Variants in TMEM272 observed in about 807,000 individuals in gnomAD.
TMEM272 encodes transmembrane protein 272.
A neutral mutation model predicts 3.7 loss-of-function variants in TMEM272; 8 were observed. That is an observed-to-expected ratio of 2.17 (90% CI 1.27 to 3.91). The LOEUF (loss-of-function observed/expected upper bound fraction) is 3.91. Among genes scored for constraint, TMEM272 ranks in the 30% most tolerant of loss-of-function variants. The pLI, the probability that TMEM272 is intolerant of heterozygous loss-of-function variation, is 0.00. For synonymous variants in TMEM272, 63 were observed against 39.8 expected, an observed-to-expected ratio of 1.58 and a Z score of -2.20; for missense variants, 166 against 91.5, an observed-to-expected ratio of 1.81 and a Z score of -3.32.
chr13:51,918,800 A>ATT, the TMEM272 span, among the ~76,000 whole-genome samples: 1 of 137,128 alleles, frequency 7.3e-6, no homozygotes, highest in Non-Finnish European at 1.6e-5. Context: ...AATTTTTGAA[A>ATT]TTCTTTTTTT....
the TMEM272 span, among the ~76,000 whole-genome samples, chr13:51,896,479 G>A: frequency 7.2e-5 from 11 of 152,308 alleles, no homozygotes; most frequent in East Asian, 2.1e-3. Flanking sequence ...CCCTCTCACA[G>A]CCTGGCTAAA....
chr13:51,928,170 G>T, the TMEM272 span, among the ~76,000 whole-genome samples: 1 of 152,004 alleles, frequency 6.6e-6, no homozygotes, highest in South Asian at 2.1e-4. Context: ...TTTGTCATCA[G>T]TCCACTAAGT....
the TMEM272 span, chr13:51,865,203 G>C: frequency 2.6e-5 from 14 of 540,570 alleles, no homozygotes; most frequent in Admixed American, 6.7e-5. Context: ...ACCAAAGCTT[G>C]TCCCTCACAA....
chr13:51,853,096 G>A, the TMEM272 span, among the ~76,000 whole-genome samples: 1 of 151,862 alleles, frequency 6.6e-6, no homozygotes, highest in Non-Finnish European at 1.5e-5. Flanking sequence ...AAAGTAAGCT[G>A]GAGAAAAGAA....
chr13:51,902,125 A>G, the TMEM272 span, among the ~76,000 whole-genome samples: 2 of 152,266 alleles, frequency 1.3e-5, no homozygotes, highest in South Asian at 2.1e-4. Context: ...GGGTGAGGTC[A>G]GAAGCCAACG....
At chr13:51,839,202 G>GC (rs1271387226) in intron 1 of TMEM272, among the ~76,000 whole-genome samples, 3 of 152,174 alleles carry the variant, frequency 2.0e-5, no homozygotes, top group African/African-American at 7.2e-5. Flanking sequence ...TGTGGTCTGA[G>GC]CAAGTTGGTT....
At chr13:51,923,325 C>G in the TMEM272 span, among the ~76,000 whole-genome samples, 1 of 152,218 alleles carries the variant, frequency 6.6e-6, no homozygotes, top group Admixed American at 6.5e-5. Flanking sequence ...TCTCCGGAGA[C>G]AGAATGCGAT....
At chr13:51,834,511 G>C (rs2139576320) in intron 2 of TMEM272, among the ~76,000 whole-genome samples, 1 of 152,330 alleles carries the variant, frequency 6.6e-6, no homozygotes, top group South Asian at 2.1e-4. Context: ...AGTTTTAAAA[G>C]TACATTAAAA....
chr13:51,821,566 G>A (rs936701224), intron 4 of TMEM272, among the ~76,000 whole-genome samples: 5 of 150,660 alleles, frequency 3.3e-5, no homozygotes, highest in African/African-American at 1.2e-4. Flanking sequence ...TTAGTCAATT[G>A]AGAACTAGGA....
At chr13:51,915,771 C>T in the TMEM272 span, among the ~76,000 whole-genome samples, 839 of 152,260 alleles carry the variant, frequency 5.5e-3, 5 homozygotes, top group Admixed American at 7.9e-3. Flanking sequence ...TGACCTTTTC[C>T]CCTTAAAATC....
intron 3 of TMEM272, among the ~76,000 whole-genome samples, chr13:51,823,990 T>A (rs1169263220): frequency 6.6e-6 from 1 of 152,238 alleles, no homozygotes; most frequent in Non-Finnish European, 1.5e-5. Context: ...CAACACAGCC[T>A]TTTCACACAA....
the TMEM272 span, among the ~76,000 whole-genome samples, chr13:51,853,256 A>G: frequency 6.6e-6 from 1 of 152,116 alleles, no homozygotes; most frequent in South Asian, 2.1e-4. Flanking sequence ...TAAAAAATAC[A>G]AAAGTTAGCT....
At chr13:51,869,749 A>G in the TMEM272 span, among the ~76,000 whole-genome samples, 1 of 152,018 alleles carries the variant, frequency 6.6e-6, no homozygotes, top group Non-Finnish European at 1.5e-5. Flanking sequence ...CAGCCTCCCA[A>G]AGTGCTGGGA....
the TMEM272 span, among the ~76,000 whole-genome samples, chr13:51,918,499 G>T: frequency 6.6e-6 from 1 of 152,324 alleles, no homozygotes; most frequent in South Asian, 2.1e-4. Flanking sequence ...AAAATGATAT[G>T]GCAAAACCTT....
At chr13:51,829,985 G>A (rs1390403946) in intron 2 of TMEM272, among the ~76,000 whole-genome samples, 2 of 152,114 alleles carry the variant, frequency 1.3e-5, no homozygotes, top group African/African-American at 4.8e-5. Flanking sequence ...TCAAGGATGG[G>A]ACATTGAGAC....
chr13:51,896,947 G>C, the TMEM272 span, among the ~76,000 whole-genome samples: 2 of 152,206 alleles, frequency 1.3e-5, no homozygotes, highest in Non-Finnish European at 2.9e-5. Context: ...ACCTTGACAG[G>C]AGTTAGTCTG....
chr13:51,854,908 G>A, the TMEM272 span, among the ~76,000 whole-genome samples: 1 of 152,100 alleles, frequency 6.6e-6, no homozygotes, highest in African/African-American at 2.4e-5. Flanking sequence ...ATCCCCATAT[G>A]AGTACTGCAC....
At chr13:51,905,908 A>C in the TMEM272 span, among the ~76,000 whole-genome samples, 2 of 152,162 alleles carry the variant, frequency 1.3e-5, no homozygotes, top group African/African-American at 4.8e-5. Flanking sequence ...TGTGGCTCTG[A>C]AGCAGACAGG....
the TMEM272 span, among the ~76,000 whole-genome samples, chr13:51,919,831 T>A: frequency 5.8e-3 from 891 of 152,358 alleles, 8 homozygotes; most frequent in African/African-American, 0.021. Flanking sequence ...TTGTGCTTGT[T>A]TGCTTTTCTG....
Sources: allele counts gnomAD v4.1 joint callset (sites outside exome capture counted in the v4.1 genomes callset), GRCh38; gene constraint gnomAD v4.1.1; transcripts MANE v1.5; gene names NCBI Gene and HGNC (gene_info 2026-07-23, HGNC 2026-07-21).